The following ITGA8 variants were observed in gnomAD, a reference collection of about 807,000 sequenced individuals.
The protein encoded by ITGA8 is integrin alpha-8.
ITGA8 carries 91 observed loss-of-function variants against 142.3 expected under a neutral mutation model. That is an observed-to-expected ratio of 0.64 (90% confidence interval 0.54 to 0.76). The LOEUF (loss-of-function observed/expected upper bound fraction) is 0.76, where lower values mean the gene tolerates loss of function less well. Among genes scored for constraint, ITGA8 ranks in the 30% least tolerant of loss-of-function variants. ITGA8 has a pLI of 0.00. For synonymous variants in ITGA8, 505 were observed against 485.2 expected (o/e 1.04, Z -0.54); for missense variants, 1,406 against 1,327.7 (o/e 1.06, Z -0.92).
At chr10:15,583,523 G>GTA (rs769453300) in intron 23 of ITGA8, among the ~76,000 whole-genome samples, 25 of 152,138 alleles carry the variant, frequency 1.6e-4, no homozygotes, top group East Asian at 9.7e-4. Flanking sequence ...TAATAAAAAA[G>GTA]TATATATATA....
chr10:15,662,374 T>C (rs898087935), intron 8 of ITGA8, among the ~76,000 whole-genome samples: 20 of 147,434 alleles, frequency 1.4e-4, no homozygotes, highest in African/African-American at 3.8e-4. Flanking sequence ...CTTATTCTGT[T>C]GCCCAGCCTG....
In ITGA8 at chr10:15,719,767, G is replaced by C. The variant is rs2131748356; in HGVS notation, c.5C>G (p.Ser2Trp). 1.5e-6 allele frequency: 2 copies of C among 1,349,224 alleles called. No homozygotes were observed. Among genetic ancestry groups the C allele is most frequent in the Non-Finnish European group, 1.9e-6 (2 of 1,059,190 alleles). 83.6% of individuals were successfully genotyped at this position (1,349,224 alleles called of 1,614,324 possible). A position where few individuals can be genotyped will look rare whatever the true frequency, so the allele number is the denominator to read the frequency against. M[S>W]PGASRGPRGS... ...CCGGGGACCGCGGCTGGCCCCGGGCGACATCTCCCTCCGCCCCGGTGGGTG... is the reference window on the plus strand; with the variant it reads ...CCGGGGACCGCGGCTGGCCCCGGGCCACATCTCCCTCCGCCCCGGTGGGTG... Residue 2 changes from serine (S) to tryptophan (W), a missense_variant, in exon 1 of 30, where the codon TCG becomes TGG. Coordinates refer to ENST00000378076, the MANE Select transcript of ITGA8 (RefSeq NM_003638.3).
At chr10:15,525,319 A>T (rs575862077) in intron 28 of ITGA8, among the ~76,000 whole-genome samples, 110 of 152,290 alleles carry the variant, frequency 7.2e-4, no homozygotes, top group Non-Finnish European at 1.2e-3. Flanking sequence ...AGCCACAAGC[A>T]TAACATAAAA....
At chr10:15,691,381 T>C (rs1376740924) in intron 2 of ITGA8, among the ~76,000 whole-genome samples, 2 of 152,200 alleles carry the variant, frequency 1.3e-5, no homozygotes, top group Non-Finnish European at 2.9e-5. Context: ...ATTGAAAATA[T>C]ATCTGCACCC....
intron 25 of ITGA8, among the ~76,000 whole-genome samples, chr10:15,562,857 T>C (rs546892637): frequency 6.6e-6 from 1 of 152,206 alleles, no homozygotes; most frequent in Admixed American, 6.5e-5. Context: ...GATGCTGTTA[T>C]GGTTTGGATA....
intron 20 of ITGA8, among the ~76,000 whole-genome samples, chr10:15,602,516 C>A (rs1237937031): frequency 6.6e-6 from 1 of 151,950 alleles, no homozygotes; most frequent in Non-Finnish European, 1.5e-5. Flanking sequence ...GGTGGGTGGA[C>A]CGCCTGACCC....
intron 6 of ITGA8, among the ~76,000 whole-genome samples, chr10:15,675,885 A>G (rs1472304681): frequency 6.6e-6 from 1 of 152,198 alleles, no homozygotes; most frequent in African/African-American, 2.4e-5. Flanking sequence ...TCTCAGACAA[A>G]TGCTTGTATA....
intron 20 of ITGA8, among the ~76,000 whole-genome samples, chr10:15,598,004 T>C (rs1833037208): frequency 6.6e-6 from 1 of 152,194 alleles, no homozygotes; most frequent in African/African-American, 2.4e-5. Flanking sequence ...GCCCTTGGCT[T>C]CCAGCTCCTC....
At chr10:15,549,516 T>C (rs1833755159) in intron 26 of ITGA8, among the ~76,000 whole-genome samples, 1 of 152,144 alleles carries the variant, frequency 6.6e-6, no homozygotes, top group Non-Finnish European at 1.5e-5. Flanking sequence ...TGGCCTCAAA[T>C]CAGATTTTCT....
intron 6 of ITGA8, 91 bp downstream of exon 6, chr10:15,677,501 T>C: frequency 2.1e-6 from 2 of 965,552 alleles, no homozygotes; most frequent in Non-Finnish European, 3.2e-6. Flanking sequence ...AAAATTAAGG[T>C]AATAGAAAGT....
At chr10:15,706,303 A>G (rs1027964338) in intron 2 of ITGA8, among the ~76,000 whole-genome samples, 2 of 151,740 alleles carry the variant, frequency 1.3e-5, no homozygotes, top group African/African-American at 4.8e-5. Flanking sequence ...CAAACCACCC[A>G]TTTCTCAGCT....
At chr10:15,714,390 T>C (rs1171768840) in intron 2 of ITGA8, among the ~76,000 whole-genome samples, 1 of 152,168 alleles carries the variant, frequency 6.6e-6, no homozygotes, top group East Asian at 1.9e-4. Context: ...TAGGGCATAG[T>C]TTAAAGAGTT....
intron 4 of ITGA8, among the ~76,000 whole-genome samples, chr10:15,683,316 C>CT (rs1834776026): frequency 7.0e-6 from 1 of 142,118 alleles, no homozygotes; most frequent in Admixed American, 6.9e-5. Flanking sequence ...CACCCACCCA[C>CT]CCACCCACCC....
At chr10:15,524,457 C>T (rs1833129186) in intron 28 of ITGA8, among the ~76,000 whole-genome samples, 1 of 152,184 alleles carries the variant, frequency 6.6e-6, no homozygotes, top group African/African-American at 2.4e-5. Context: ...TTCTCTGAAT[C>T]AGGCGACCTT....
chr10:15,589,453 C>A (rs1832885768), intron 22 of ITGA8, among the ~76,000 whole-genome samples: 1 of 151,156 alleles, frequency 6.6e-6, no homozygotes, highest in Non-Finnish European at 1.5e-5. Context: ...CCGCTTAATG[C>A]AAATATTTGG....
chr10:15,639,507 G>C (rs1275364047), intron 13 of ITGA8, among the ~76,000 whole-genome samples: 1 of 152,184 alleles, frequency 6.6e-6, no homozygotes, highest in African/African-American at 2.4e-5. Flanking sequence ...GAGTCTCAGA[G>C]CCTCAGTGGA....
rs776542951 is a variant in ITGA8, at chr10:15,604,308, A to G, written c.2018T>C (p.Ile673Thr). The G allele has an allele frequency of 1.9e-6, 3 of 1,612,842 alleles. No individual in the cohort carries two copies. The African/African-American group carries it at 4.0e-5, about 22-fold the overall frequency. Residue 673 changes from isoleucine (I) to threonine (T), a missense_variant, in exon 20 of 30, where the codon ATA becomes ACA. Coordinates refer to ENST00000378076, the MANE Select transcript of ITGA8 (RefSeq NM_003638.3). ...IIGDENHLML[I>T]INARNEGEGA... ...TTCCCCTTCATTTCTTGCATTTATT[A>G]TGAGCATAAGGTGATTTTCATCTCC...
intron 25 of ITGA8, among the ~76,000 whole-genome samples, chr10:15,566,066 AC>A (rs369744573): frequency 3.3e-4 from 50 of 152,168 alleles, no homozygotes; most frequent in African/African-American, 1.1e-3. Flanking sequence ...ATAAGACAAA[AC>A]TATGCAAATT....
At chr10:15,569,002 T>C (rs994960852) in intron 25 of ITGA8, among the ~76,000 whole-genome samples, 7 of 152,142 alleles carry the variant, frequency 4.6e-5, no homozygotes, top group African/African-American at 7.2e-5. Flanking sequence ...AAATGCTTCT[T>C]AGGAAGTCTG....
Sources: gnomAD v4.1 joint callset for allele counts (sites outside exome capture counted in the v4.1 genomes callset) on GRCh38, gnomAD v4.1.1 for gene constraint, MANE v1.5 for transcripts, NCBI Gene and HGNC (gene_info 2026-07-23, HGNC 2026-07-21) for gene names.